DPP6: variants seen among roughly 807,000 people sequenced by gnomAD.
DPP6 encodes the protein A-type potassium channel modulatory protein DPP6.
DPP6 carries 69 observed loss-of-function variants against 122.6 expected under a neutral mutation model. That is an observed-to-expected ratio of 0.56 (90% CI 0.46 to 0.69). The LOEUF is 0.69. Among genes scored for constraint, DPP6 ranks in the 30% least tolerant of loss-of-function variants. The pLI, the probability that DPP6 is intolerant of heterozygous loss-of-function variation, is 0.00. For missense variants in DPP6, 928 were observed against 1,116.9 expected (o/e 0.83, Z 2.41); for synonymous variants, 418 against 433.1 (o/e 0.97, Z 0.43).
intron 4 of DPP6, among the ~76,000 whole-genome samples, chr7:154,566,435 C>T (rs1389620311): frequency 6.6e-6 from 1 of 152,068 alleles, no homozygotes; most frequent in Admixed American, 6.6e-5. Context: ...GCATGCACTA[C>T]CACACCTAGC....
At chr7:154,358,023 T>C (rs930261768) in intron 1 of DPP6, among the ~76,000 whole-genome samples, 1 of 152,118 alleles carries the variant, frequency 6.6e-6, no homozygotes, top group African/African-American at 2.4e-5. Context: ...GTCAGTGGTG[T>C]CCCTCAAATA....
At chr7:154,440,845 G>A (rs1161635578) in intron 1 of DPP6, among the ~76,000 whole-genome samples, 3 of 152,142 alleles carry the variant, frequency 2.0e-5, no homozygotes, top group Non-Finnish European at 4.4e-5. Flanking sequence ...AATGTGGCTG[G>A]CAAGGCTGGA....
chr7:154,728,838 G>A (rs1310025006), intron 8 of DPP6, among the ~76,000 whole-genome samples: 3 of 152,056 alleles, frequency 2.0e-5, no homozygotes, highest in Non-Finnish European at 1.5e-5. Context: ...TCTTTATAAG[G>A]GCACAAATCT....
At chr7:153,905,445 CAT>C (rs747544967) in intron 1 of DPP6, among the ~76,000 whole-genome samples, 1 of 152,094 alleles carries the variant, frequency 6.6e-6, no homozygotes, top group Non-Finnish European at 1.5e-5. Context: ...ATTATATTAA[CAT>C]AAGCATTGTG....
chr7:154,413,369 A>T (rs1816775422), intron 1 of DPP6, among the ~76,000 whole-genome samples: 1 of 152,202 alleles, frequency 6.6e-6, no homozygotes, highest in Admixed American at 6.5e-5. Flanking sequence ...ATATTGCAGG[A>T]ATCTTTTTGA....
the DPP6 span, among the ~76,000 whole-genome samples, chr7:153,766,129 G>T: frequency 8.5e-5 from 13 of 152,280 alleles, no homozygotes; most frequent in South Asian, 2.3e-3. Flanking sequence ...CAAATCAGTC[G>T]AAGCCTTTCA....
chr7:154,565,528 T>C (rs1830688350), intron 4 of DPP6, among the ~76,000 whole-genome samples: 1 of 151,612 alleles, frequency 6.6e-6, no homozygotes, highest in Non-Finnish European at 1.5e-5. Flanking sequence ...ATGATGTCAC[T>C]TTTTTTTTCT....
chr7:153,838,900 AG>A, the DPP6 span, among the ~76,000 whole-genome samples: 1 of 140,634 alleles, frequency 7.1e-6, no homozygotes, highest in South Asian at 3.0e-4. Flanking sequence ...AAAAATTAGG[AG>A]CATTCCTGGC....
At chr7:154,845,461 G>GA (rs1038863536) in intron 16 of DPP6, among the ~76,000 whole-genome samples, 1 of 152,206 alleles carries the variant, frequency 6.6e-6, no homozygotes, top group Non-Finnish European at 1.5e-5. Flanking sequence ...TAAAGTGGAC[G>GA]AAGGATGAGA....
chr7:154,269,692 G>C (rs982886588), intron 1 of DPP6, among the ~76,000 whole-genome samples: 3 of 152,172 alleles, frequency 2.0e-5, no homozygotes, highest in African/African-American at 7.2e-5. Flanking sequence ...ATTACCATCA[G>C]ATCTATAGAT....
At chr7:153,934,064 AAGAGGAC>A (rs2129014188) in intron 1 of DPP6, among the ~76,000 whole-genome samples, 1 of 152,340 alleles carries the variant, frequency 6.6e-6, no homozygotes, top group South Asian at 2.1e-4. Context: ...TTGCAGATGA[AAGAGGAC>A]AGCCCTGCTG....
upstream of DPP6, among the ~76,000 whole-genome samples, chr7:153,884,225 T>G (rs1798833650): frequency 6.6e-6 from 1 of 152,176 alleles, no homozygotes; most frequent in Admixed American, 6.5e-5. Flanking sequence ...GTGTTCTCAT[T>G]GTTCAGTTCC....
At chr7:154,703,892 G>A (rs1340891952) in intron 7 of DPP6, among the ~76,000 whole-genome samples, 12 of 151,702 alleles carry the variant, frequency 7.9e-5, no homozygotes, top group East Asian at 7.8e-4. Flanking sequence ...AGCCAAGATC[G>A]CGCCACTGCG....
At chr7:154,056,183 G>A (rs1460908782) in intron 1 of DPP6, among the ~76,000 whole-genome samples, 1 of 152,160 alleles carries the variant, frequency 6.6e-6, no homozygotes, top group Non-Finnish European at 1.5e-5. Flanking sequence ...TTTTGGGTGG[G>A]TCAGTACTAA....
chr7:154,117,529 A>T (rs937511695), intron 1 of DPP6, among the ~76,000 whole-genome samples: 1 of 152,208 alleles, frequency 6.6e-6, no homozygotes, highest in African/African-American at 2.4e-5. Flanking sequence ...TGACAATGCG[A>T]TGCAGATTTC....
At chr7:153,782,948 A>T in the DPP6 span, among the ~76,000 whole-genome samples, 1 of 152,168 alleles carries the variant, frequency 6.6e-6, no homozygotes, top group African/African-American at 2.4e-5. Flanking sequence ...ACTTGTATAG[A>T]CCACCACTCT....
intron 12 of DPP6, among the ~76,000 whole-genome samples, chr7:154,799,753 T>C (rs988060880): frequency 3.9e-5 from 6 of 152,344 alleles, no homozygotes; most frequent in African/African-American, 1.4e-4. Flanking sequence ...ATAAATTCTG[T>C]TATCCAGAGA....
chr7:154,010,835 C>T (rs1456459201), intron 1 of DPP6, among the ~76,000 whole-genome samples: 1 of 152,136 alleles, frequency 6.6e-6, no homozygotes, highest in Non-Finnish European at 1.5e-5. Flanking sequence ...CAGACTTGTG[C>T]CGAATTCCAT....
chr7:154,892,309 T>A (rs549716735), intron 25 of DPP6, 25 bp from the exon 26 acceptor site: 1 of 1,613,748 alleles, frequency 6.2e-7, no homozygotes, highest in African/African-American at 1.3e-5. Flanking sequence ...CCTGGGAGAG[T>A]AATTTCTCCG....
Sources: allele counts gnomAD v4.1 joint callset (sites outside exome capture counted in the v4.1 genomes callset), GRCh38; gene constraint gnomAD v4.1.1; transcripts MANE v1.5; gene names NCBI Gene and HGNC (gene_info 2026-07-23, HGNC 2026-07-21).